The following TTLL9 variants were observed in gnomAD, a reference collection of about 807,000 sequenced individuals.
The protein encoded by TTLL9 is probable tubulin polyglutamylase TTLL9.
In TTLL9, 47 loss-of-function variants were observed where a neutral mutation model predicts 65.6. That is an observed-to-expected ratio of 0.72 (90% CI 0.57 to 0.91). TTLL9 has a LOEUF of 0.91. TTLL9 is among the 40% of genes least tolerant of loss of function. TTLL9 has a pLI of 0.00. For synonymous variants in TTLL9, 179 were observed against 204.8 expected, an observed-to-expected ratio of 0.87 and a Z score of 1.07; for missense variants, 537 against 568.8, an observed-to-expected ratio of 0.94 and a Z score of 0.57.
At chr20:31,873,900 A>T (rs2063002688) in intron 2 of TTLL9, among the ~76,000 whole-genome samples, 2 of 151,640 alleles carry the variant, frequency 1.3e-5, no homozygotes. Flanking sequence ...GAAAACACTG[A>T]TAAACGAGCC....
chr20:31,941,402 C>G (rs951643110), intron 14 of TTLL9, among the ~76,000 whole-genome samples: 1 of 152,022 alleles, frequency 6.6e-6, no homozygotes, highest in Non-Finnish European at 1.5e-5. Flanking sequence ...AGATGGAAAG[C>G]GGCGGTTCTC....
Position 31,870,961 on chromosome 20 carries a change from C to T in TTLL9, c.-6+12C>T. The T allele has an allele frequency of 2.8e-6, 2 of 710,580 alleles. No individual in the cohort carries two copies. The highest frequency in any genetic ancestry group is 3.2e-5 in the South Asian group (2 of 62,010). The allele number at this position is 710,580 out of a possible 1,614,324, so 44.0% of individuals were successfully genotyped here. On this transcript the variant is annotated intron_variant, in intron 1 of 14. Transcript: ENST00000535842. The surrounding 1 kb of genome is among the most constrained non-coding windows in gnomAD (Gnocchi z 6.6). ...TTGGAACGGGATAAGTGGGTAATTC[C>T]TTCCGATACATCCTCTCCACCCGTG...
chr20:31,890,030 C>A (rs1306807717), intron 3 of TTLL9, among the ~76,000 whole-genome samples: 1 of 139,762 alleles, frequency 7.2e-6, no homozygotes, highest in Non-Finnish European at 1.5e-5. Flanking sequence ...TTCTTTCTTT[C>A]TTTCCTTCCT....
intron 10 of TTLL9, among the ~76,000 whole-genome samples, chr20:31,930,482 A>G (rs2063990937): frequency 6.6e-6 from 1 of 152,170 alleles, no homozygotes; most frequent in Non-Finnish European, 1.5e-5. Flanking sequence ...GGGTCCTACC[A>G]GCTTTATTTT....
chr20:31,934,060 G>A (rs2064064286), intron 11 of TTLL9, among the ~76,000 whole-genome samples: 1 of 152,206 alleles, frequency 6.6e-6, no homozygotes, highest in Admixed American at 6.5e-5. Context: ...GTATTTAAAA[G>A]TTGCAAATCA....
intron 2 of TTLL9, chr20:31,879,907 G>C (rs770273899): frequency 6.5e-7 from 1 of 1,548,190 alleles, no homozygotes; most frequent in South Asian, 1.2e-5. Context: ...GGTAGGAGTC[G>C]ACCTGACCCA....
At chr20:31,891,002 A>T (rs1244938869) in intron 3 of TTLL9, among the ~76,000 whole-genome samples, 1 of 152,246 alleles carries the variant, frequency 6.6e-6, no homozygotes, top group Admixed American at 6.5e-5. Context: ...TCTATAAAAA[A>T]TATTAACAAT....
intron 10 of TTLL9, among the ~76,000 whole-genome samples, chr20:31,927,315 C>G (rs539563785): frequency 2.0e-5 from 3 of 151,842 alleles, no homozygotes; most frequent in African/African-American, 7.2e-5. Flanking sequence ...AATCCCATTT[C>G]CACTAAAAGT....
At chr20:31,917,980 C>T (rs1212258473) in intron 6 of TTLL9, among the ~76,000 whole-genome samples, 1 of 152,062 alleles carries the variant, frequency 6.6e-6, no homozygotes, top group Non-Finnish European at 1.5e-5. Flanking sequence ...GTGTCTGTTC[C>T]CATACATCTT....
chr20:31,877,990 G>A (rs1247787501), intron 2 of TTLL9, among the ~76,000 whole-genome samples: 3 of 152,270 alleles, frequency 2.0e-5, no homozygotes, highest in Admixed American at 1.3e-4. Flanking sequence ...TGCTTTGTCA[G>A]TTTTCCTTTC....
At position 31,870,928 on chromosome 20, in the gene TTLL9, G is replaced by C. The variant is rs1269244803; in HGVS notation, c.-27G>C. 1.6e-6 allele frequency: 1 copy of C among 620,888 alleles called. No individual in the cohort carries two copies. The highest frequency in any genetic ancestry group is 1.8e-5 in the African/African-American group (1 of 54,720). 38.5% of individuals were successfully genotyped at this position (620,888 alleles called of 1,614,324 possible). ...ATCGCCGAGGGCTCTCTGCTCTTCA[G>C]AGTCTGCTTGGAACGGGATAAGTGG... On this transcript the variant is annotated 5_prime_UTR_variant, in exon 1 of 15. Transcript: ENST00000535842. The surrounding 1 kb of genome is among the most constrained non-coding windows in gnomAD (Gnocchi z 6.6).
chr20:31,917,713 A>G (rs1206730113), intron 6 of TTLL9, among the ~76,000 whole-genome samples: 2 of 151,216 alleles, frequency 1.3e-5, no homozygotes, highest in Non-Finnish European at 3.0e-5. Context: ...CTCAGGTAGT[A>G]TATAGTAGTA....
Position 31,943,117 on chromosome 20 carries a change from C to T in TTLL9, c.*96C>T, listed in dbSNP as rs2064246809. 2.6e-6 allele frequency: 3 copies of T among 1,168,430 alleles called. No individual in the cohort carries two copies. Among genetic ancestry groups the T allele is most frequent in the African/African-American group, 3.0e-5 (2 of 66,382 alleles). The allele number at this position is 1,168,430 out of a possible 1,614,324, so 72.4% of individuals were successfully genotyped here. A position where few individuals can be genotyped will look rare whatever the true frequency, so the allele number is the denominator to read the frequency against. On this transcript the variant is annotated 3_prime_UTR_variant, in exon 15 of 15. Transcript: ENST00000535842. Reference sequence around the variant, plus strand: ...GCACAGCACCTCACAGCATTCGCCTCCCCACCTCCAGCCTGGCACCAGCTT... The same window carrying T: ...GCACAGCACCTCACAGCATTCGCCTTCCCACCTCCAGCCTGGCACCAGCTT...
intron 7 of TTLL9, among the ~76,000 whole-genome samples, chr20:31,921,446 C>G (rs2123561253): frequency 6.6e-6 from 1 of 152,258 alleles, no homozygotes; most frequent in South Asian, 2.1e-4. Flanking sequence ...CTAGAAATAC[C>G]ATTTGACCCA....
chr20:31,909,632 G>A, intron 5 of TTLL9, 105 bp from the exon 6 acceptor site: 1 of 1,013,126 alleles, frequency 9.9e-7, no homozygotes, highest in East Asian at 2.6e-5. Context: ...CTATTTTGTG[G>A]GCCAGAGCAT....
At chr20:31,935,666 G>A (rs1208286780) in intron 12 of TTLL9, among the ~76,000 whole-genome samples, 1 of 152,244 alleles carries the variant, frequency 6.6e-6, no homozygotes, top group Non-Finnish European at 1.5e-5. Context: ...GGATGTGACT[G>A]CTGGCATTAA....
intron 2 of TTLL9, among the ~76,000 whole-genome samples, chr20:31,885,392 T>C (rs1217695730): frequency 6.6e-6 from 1 of 152,128 alleles, no homozygotes; most frequent in Admixed American, 6.6e-5. Context: ...GTATGCATGG[T>C]CAATTGAATT....
chr20:31,930,696 T>G (rs2063993729), intron 10 of TTLL9, among the ~76,000 whole-genome samples: 1 of 152,240 alleles, frequency 6.6e-6, no homozygotes, highest in Non-Finnish European at 1.5e-5. Flanking sequence ...ACTTGTCCAT[T>G]GGTTTCCTCT....
intron 13 of TTLL9, among the ~76,000 whole-genome samples, chr20:31,938,527 A>G (rs1310574803): frequency 2.6e-5 from 4 of 152,208 alleles, no homozygotes; most frequent in Admixed American, 2.6e-4. Flanking sequence ...CAACAGAACT[A>G]GTCCCTGCCT....
Sources: gnomAD v4.1 joint callset for allele counts (sites outside exome capture counted in the v4.1 genomes callset) on GRCh38, gnomAD v4.1.1 for gene constraint, Gnocchi (gnomAD v3.1) non-coding constraint, MANE v1.5 for transcripts, NCBI Gene and HGNC (gene_info 2026-07-23, HGNC 2026-07-21) for gene names.